Variants in SYNE1 observed in about 807,000 individuals in gnomAD.
SYNE1 encodes the protein spectrin repeat containing nuclear envelope protein 1.
Under a neutral mutation model 1,111.0 loss-of-function variants are expected in SYNE1, and 616 were observed. The ratio of observed to expected loss-of-function variants is 0.55; its 90% confidence interval spans 0.52 to 0.59. The LOEUF is 0.59. Among genes scored for constraint, SYNE1 ranks in the 20% least tolerant of loss-of-function variants. The pLI, the probability that SYNE1 is intolerant of heterozygous loss-of-function variation, is 0.00. For synonymous variants in SYNE1, 3,855 were observed against 3,825.8 expected, an observed-to-expected ratio of 1.01 and a Z score of -0.28; for missense variants, 10,006 against 10,417.0, an observed-to-expected ratio of 0.96 and a Z score of 1.72.
In SYNE1 at chr6:152,358,378, G is replaced by A. The variant is rs1041772748; in HGVS notation, c.10603C>T (p.Leu3535Phe). ...TAGGATAAAGGAGGCCTTACCTGAA[G>A]ATCACGCAATGTTGTCTCATGAGTG... ...AHTHETTLRD[L>F]QELQVHCAEG... Residue 3535 changes from leucine (L) to phenylalanine (F), a missense_variant, in exon 66 of 146, where the codon CTT (leucine) becomes TTT (phenylalanine). Leu to Phe is a conservative substitution (Grantham distance 22). Transcript: ENST00000367255. 6.2e-7 allele frequency: 1 copy of A among 1,614,012 alleles called. No individual in the cohort carries two copies. Among genetic ancestry groups the A allele is most frequent in the Non-Finnish European group, 8.5e-7 (1 of 1,180,022 alleles).
At chr6:152,236,358 A>C in intron 109 of SYNE1, 55 bp from the exon 110 acceptor site, 3 of 1,324,598 alleles carry the variant, frequency 2.3e-6, no homozygotes, top group Non-Finnish European at 3.2e-6. Flanking sequence ...TTTGTCTTTA[A>C]GAATTATAAT....
intron 22 of SYNE1, 139 bp from the exon 23 acceptor site, chr6:152,456,183 T>C: frequency 1.2e-6 from 1 of 806,038 alleles, no homozygotes; most frequent in Non-Finnish European, 1.9e-6. Context: ...AAACCAAAAG[T>C]ATGGTGGAAC....
chr6:152,322,920 T>C (rs2095913618), intron 82 of SYNE1, among the ~76,000 whole-genome samples: 1 of 152,184 alleles, frequency 6.6e-6, no homozygotes, highest in Admixed American at 6.5e-5. Flanking sequence ...GCTGCCTTAG[T>C]TGCCTAGCTC....
chr6:152,123,365 C>T (rs1050447932), intron 145 of SYNE1, among the ~76,000 whole-genome samples: 1 of 152,170 alleles, frequency 6.6e-6, no homozygotes, highest in African/African-American at 2.4e-5. Flanking sequence ...CTATCACTGA[C>T]GTCATTACTT....
intron 4 of SYNE1, among the ~76,000 whole-genome samples, chr6:152,538,795 C>G (rs1267459092): frequency 6.6e-6 from 1 of 152,074 alleles, no homozygotes; most frequent in East Asian, 1.9e-4. Flanking sequence ...GGGCCAAATT[C>G]CCTTCTCATC....
At position 152,433,297 on chromosome 6, in the gene SYNE1, T is replaced by C. The variant is rs215007; in HGVS notation, c.4461+498A>G. Among the ~76,000 whole-genome samples the C allele has an allele frequency of 7.9e-3, 1,203 of 152,278 alleles. 7 individuals are homozygous for C. Among genetic ancestry groups the C allele is most frequent in the Middle Eastern group, 0.034 (10 of 294 alleles). On this transcript the variant is annotated intron_variant, in intron 34 of 145. Transcript: ENST00000367255. ...TAAGGAATCAGAGGACCTCTGTCCATGCTCCAAGGTCATAAATGAAAACAT... is the reference window on the plus strand; with the variant it reads ...TAAGGAATCAGAGGACCTCTGTCCACGCTCCAAGGTCATAAATGAAAACAT...
chr6:152,212,680 C>CGTAACTCTATATGGTAACTCTAT (rs1252832030), intron 123 of SYNE1, among the ~76,000 whole-genome samples: 2 of 152,070 alleles, frequency 1.3e-5, no homozygotes, highest in Non-Finnish European at 2.9e-5. Flanking sequence ...GATTACTCTA[C>CGTAACTCTATATGGTAACTCTAT]GTAACTCTAT....
chr6:152,452,433 A>C (rs2098658985), intron 25 of SYNE1, among the ~76,000 whole-genome samples: 2 of 152,208 alleles, frequency 1.3e-5, no homozygotes, highest in Non-Finnish European at 2.9e-5. Flanking sequence ...TTTTTTAATG[A>C]AAAACTTGAA....
intron 140 of SYNE1, 43 bp downstream of exon 140, chr6:152,139,907 G>T (rs756938918): frequency 6.3e-7 from 1 of 1,576,568 alleles, no homozygotes; most frequent in Admixed American, 1.8e-5. Context: ...TTCACGCGGT[G>T]GCTCTCTGTT....
chr6:152,213,540 C>A (rs2077952980), intron 123 of SYNE1, 72 bp downstream of exon 123: 1 of 1,534,738 alleles, frequency 6.5e-7, no homozygotes, highest in Non-Finnish European at 9.0e-7. Context: ...AATTCTCCCA[C>A]ACAGCATTTC....
chr6:152,517,414 G>C (rs1296092958), intron 6 of SYNE1, among the ~76,000 whole-genome samples: 1 of 152,160 alleles, frequency 6.6e-6, no homozygotes, highest in Non-Finnish European at 1.5e-5. Flanking sequence ...CTTTTGGAGG[G>C]AAATATGGTA....
At chr6:152,436,885 G>T (rs1592673161) in intron 32 of SYNE1, among the ~76,000 whole-genome samples, 1 of 152,030 alleles carries the variant, frequency 6.6e-6, no homozygotes, top group East Asian at 1.9e-4. Flanking sequence ...ATGATCTTTG[G>T]CCAGGCATGA....
chr6:152,248,709 G>A (rs1335241183), intron 105 of SYNE1, among the ~76,000 whole-genome samples: 4 of 151,980 alleles, frequency 2.6e-5, no homozygotes, highest in Admixed American at 6.6e-5. Context: ...CCTCTTTACC[G>A]TGATATCTTT....
chr6:152,383,012 A>G (rs368059439), intron 55 of SYNE1, among the ~76,000 whole-genome samples: 1 of 152,136 alleles, frequency 6.6e-6, no homozygotes, highest in Non-Finnish European at 1.5e-5. Flanking sequence ...GCCTTTTCTC[A>G]GTGATTATTC....
In SYNE1 at chr6:152,331,488, C is replaced by A. The variant is rs1315703560; in HGVS notation, c.13197G>T (p.Met4399Ile). Residue 4399 changes from methionine to isoleucine, a missense_variant, in exon 78 of 146, where the codon ATG becomes ATT. Coordinates refer to ENST00000367255, the MANE Select transcript of SYNE1 (RefSeq NM_182961.4). ...AICSELEAKQ[M>I]LLKSLIKDAD... ...CGTCCTTTATAAGCGATTTCAGGAG[C>A]ATCTGCTTGGCCTCCAGTTCACTGC... 1 of 1,613,962 alleles carries A rather than the reference C, an allele frequency of 6.2e-7. No individual in the cohort carries two copies. Among genetic ancestry groups the A allele is most frequent in the Admixed American group, 1.7e-5 (1 of 59,994 alleles).
intron 98 of SYNE1, 141 bp from the exon 99 acceptor site, chr6:152,269,427 A>G: frequency 7.9e-7 from 1 of 1,259,146 alleles, no homozygotes; most frequent in Middle Eastern, 2.6e-4. Context: ...TTTTTAAAAA[A>G]AACAGTAACA....
intron 56 of SYNE1, among the ~76,000 whole-genome samples, chr6:152,379,933 C>T (rs1177471721): frequency 2.0e-5 from 3 of 152,072 alleles, no homozygotes; most frequent in Non-Finnish European, 4.4e-5. Context: ...AAAAAGGAAC[C>T]AAGAAAGTGT....
intron 128 of SYNE1, among the ~76,000 whole-genome samples, chr6:152,182,749 C>T (rs1338515734): frequency 6.6e-6 from 1 of 152,122 alleles, no homozygotes; most frequent in Non-Finnish European, 1.5e-5. Context: ...GATACGTATC[C>T]CAAGGCCAGC....
chr6:152,139,698 G>C (rs1445374798), intron 140 of SYNE1, among the ~76,000 whole-genome samples: 2 of 99,582 alleles, frequency 2.0e-5, no homozygotes, highest in African/African-American at 8.9e-5. Context: ...GAAAAAGAAA[G>C]AGAAAAAGAA....
Sources: gnomAD v4.1 joint callset for allele counts (sites outside exome capture counted in the v4.1 genomes callset) on GRCh38, gnomAD v4.1.1 for gene constraint, MANE v1.5 for transcripts, NCBI Gene and HGNC (gene_info 2026-07-23, HGNC 2026-07-21) for gene names.